The following STPG2 variants were observed in gnomAD, a reference collection of about 807,000 sequenced individuals.
STPG2 encodes the protein sperm tail PG-rich repeat containing 2, also known as sperm-tail PG-rich repeat-containing protein 2.
A neutral mutation model predicts 54.2 loss-of-function variants in STPG2; 56 were observed. That is an observed-to-expected ratio of 1.03 (90% CI 0.83 to 1.29). The LOEUF (loss-of-function observed/expected upper bound fraction) is 1.29. Ranked by LOEUF, STPG2 falls within the 50% of genes most tolerant of loss-of-function variation. The probability of loss-of-function intolerance (pLI) is 0.00; values close to 1 mark genes in which losing one functional copy is unlikely to be tolerated. For synonymous variants in STPG2, 200 were observed against 181.8 expected, an observed-to-expected ratio of 1.10 and a Z score of -0.81; for missense variants, 596 against 544.9, an observed-to-expected ratio of 1.09 and a Z score of -0.93.
At chr4:97,944,860 C>T (rs888211087) in intron 7 of STPG2, among the ~76,000 whole-genome samples, 2 of 152,108 alleles carry the variant, frequency 1.3e-5, no homozygotes, top group Admixed American at 1.3e-4. Flanking sequence ...GGCACTTCTC[C>T]ACTTTTTTCC....
chr4:98,038,719 A>T (rs4292342), intron 5 of STPG2, among the ~76,000 whole-genome samples: 59,748 of 151,798 alleles, frequency 0.39, 11,967 homozygotes, highest in Middle Eastern at 0.46. Flanking sequence ...ACTGAAAAAA[A>T]TCTGTAGAGA....
At chr4:98,059,092 C>T (rs1737566998) in intron 5 of STPG2, among the ~76,000 whole-genome samples, 2 of 151,286 alleles carry the variant, frequency 1.3e-5, no homozygotes, top group East Asian at 1.9e-4. Context: ...GATAGATAGG[C>T]CGCTAGCTAG....
At chr4:97,958,797 C>T (rs915194727) in intron 7 of STPG2, among the ~76,000 whole-genome samples, 1 of 152,160 alleles carries the variant, frequency 6.6e-6, no homozygotes, top group Non-Finnish European at 1.5e-5. Context: ...ACTTCACGCA[C>T]AGCACTAGAC....
intron 5 of STPG2, among the ~76,000 whole-genome samples, chr4:98,005,199 T>G (rs1469177366): frequency 6.6e-6 from 1 of 152,102 alleles, no homozygotes; most frequent in Non-Finnish European, 1.5e-5. Context: ...TCTGCCTCCT[T>G]TTTTCTAGCC....
chr4:97,466,267 T>C (rs1729786569), intron 4 of STPG2, among the ~76,000 whole-genome samples: 1 of 152,062 alleles, frequency 6.6e-6, no homozygotes, highest in Admixed American at 6.6e-5. Flanking sequence ...ATACAGCCTT[T>C]CTGAGTGTGT....
intron 4 of STPG2, among the ~76,000 whole-genome samples, chr4:97,476,358 TA>T (rs1730071087): frequency 2.0e-5 from 3 of 152,144 alleles, no homozygotes; most frequent in South Asian, 4.1e-4. Context: ...TATTTTAACT[TA>T]AAAAATTTTT....
intron 9 of STPG2, among the ~76,000 whole-genome samples, chr4:97,742,261 G>T (rs2149038010): frequency 6.6e-6 from 1 of 151,854 alleles, no homozygotes; most frequent in East Asian, 1.9e-4. Context: ...TATACCTAAT[G>T]CTAAATGACG....
intron 8 of STPG2, among the ~76,000 whole-genome samples, chr4:97,906,081 G>T (rs1191526128): frequency 1.3e-5 from 2 of 152,056 alleles, no homozygotes; most frequent in Non-Finnish European, 2.9e-5. Context: ...CCAGCAGCTG[G>T]TTTTTTGAAA....
At chr4:97,781,216 C>T (rs1364909679) in intron 9 of STPG2, among the ~76,000 whole-genome samples, 2 of 152,052 alleles carry the variant, frequency 1.3e-5, no homozygotes, top group African/African-American at 4.8e-5. Context: ...AGAGAAGAAT[C>T]AAATAGATGC....
At chr4:97,684,698 T>G (rs943383346) in intron 10 of STPG2, among the ~76,000 whole-genome samples, 1 of 151,866 alleles carries the variant, frequency 6.6e-6, no homozygotes, top group African/African-American at 2.4e-5. Flanking sequence ...GCAATGAATA[T>G]TAGATACAAC....
At chr4:97,585,251 A>G (rs1412014567) in intron 10 of STPG2, among the ~76,000 whole-genome samples, 2 of 152,038 alleles carry the variant, frequency 1.3e-5, no homozygotes, top group Non-Finnish European at 2.9e-5. Context: ...CATCACATGA[A>G]CAGAATTAAA....
At chr4:97,730,836 G>A (rs1348586213) in intron 9 of STPG2, among the ~76,000 whole-genome samples, 1 of 152,084 alleles carries the variant, frequency 6.6e-6, no homozygotes, top group Admixed American at 6.6e-5. Context: ...TGAAATCCCT[G>A]TAGTGAATTT....
intron 7 of STPG2, among the ~76,000 whole-genome samples, chr4:97,965,604 G>T (rs1734069103): frequency 6.6e-6 from 1 of 152,182 alleles, no homozygotes; most frequent in African/African-American, 2.4e-5. Flanking sequence ...CTAACAGACA[G>T]CTCATACAGG....
chr4:97,602,150 CT>C (rs1401635586), intron 10 of STPG2, among the ~76,000 whole-genome samples: 5 of 151,720 alleles, frequency 3.3e-5, no homozygotes, highest in African/African-American at 4.8e-5. Flanking sequence ...GATTATTTTA[CT>C]TTTTTTCTAT....
chr4:97,894,007 G>A (rs1353494877), intron 8 of STPG2, among the ~76,000 whole-genome samples: 2 of 151,922 alleles, frequency 1.3e-5, no homozygotes, highest in African/African-American at 4.8e-5. Context: ...TTTCTTCCGT[G>A]CCAATAACAA....
At chr4:97,519,876 T>C (rs903163234) in intron 4 of STPG2, among the ~76,000 whole-genome samples, 23 of 152,024 alleles carry the variant, frequency 1.5e-4, no homozygotes, top group African/African-American at 5.3e-4. Context: ...ATTCCTGAAA[T>C]AAACTAGTTG....
chr4:97,596,870 A>G (rs893163130), intron 10 of STPG2, among the ~76,000 whole-genome samples: 1 of 152,144 alleles, frequency 6.6e-6, no homozygotes, highest in Admixed American at 6.5e-5. Flanking sequence ...GAGAAACAAG[A>G]GCAAACAAAT....
rs371983455 is a variant in STPG2 at position 97,757,281 on chromosome 4, C to G, written c.1205-44467G>C. Among the ~76,000 whole-genome samples the G allele has an allele frequency of 4.6e-5, 7 of 152,164 alleles. No individual in the cohort carries two copies. The East Asian group carries it at 9.7e-4, about 21-fold the overall frequency. ...AACCCTTTGCAAATGCCTCCCAGACCTTCCCCCCATATAAAGTTAATTAGA... is the reference window on the plus strand; with the variant it reads ...AACCCTTTGCAAATGCCTCCCAGACGTTCCCCCCATATAAAGTTAATTAGA... On this transcript the variant is annotated intron_variant, in intron 9 of 10. Transcript: ENST00000295268.
chr4:97,600,123 ACTGT>A (rs1242409296), intron 10 of STPG2, among the ~76,000 whole-genome samples: 1 of 152,134 alleles, frequency 6.6e-6, no homozygotes. Context: ...GGATCAAAAA[ACTGT>A]CTATCAGATA....
Sources: allele counts gnomAD v4.1 joint callset (sites outside exome capture counted in the v4.1 genomes callset), GRCh38; gene constraint gnomAD v4.1.1; transcripts MANE v1.5; gene names NCBI Gene and HGNC (gene_info 2026-07-23, HGNC 2026-07-21).